The following SDK2 variants were observed in gnomAD, a reference collection of about 807,000 sequenced individuals.
SDK2 encodes the protein protein sidekick-2.
Under a neutral mutation model 253.9 loss-of-function variants are expected in SDK2, and 105 were observed. The ratio of observed to expected loss-of-function variants is 0.41; its 90% CI spans 0.35 to 0.49. The LOEUF is 0.49. Ranked by LOEUF, SDK2 falls within the 20% of genes least tolerant of loss-of-function variation. SDK2 has a pLI of 0.06. For synonymous variants in SDK2, 1,249 were observed against 1,234.9 expected (o/e 1.01, Z -0.24); for missense variants, 2,608 against 3,003.0 (o/e 0.87, Z 3.07).
At chr17:73,367,369 C>T (rs762903885) in intron 37 of SDK2, among the ~76,000 whole-genome samples, 1 of 152,176 alleles carries the variant, frequency 6.6e-6, no homozygotes, top group Non-Finnish European at 1.5e-5. Context: ...CCCCATTTTC[C>T]TGCAAGCCAC....
chr17:73,357,471 C>A (rs902326185), intron 40 of SDK2: 1 of 181,518 alleles, frequency 5.5e-6, no homozygotes, highest in Non-Finnish European at 1.1e-5. Context: ...AACTTGGAAA[C>A]CTAGCAACGC....
At chr17:73,627,168 G>A (rs138226441) in intron 1 of SDK2, among the ~76,000 whole-genome samples, 17 of 152,264 alleles carry the variant, frequency 1.1e-4, no homozygotes, top group Non-Finnish European at 1.9e-4. Flanking sequence ...CATGTGAGGC[G>A]CTTAGAACAC....
chr17:73,582,489 A>G (rs1202218102), intron 1 of SDK2, among the ~76,000 whole-genome samples: 2 of 152,220 alleles, frequency 1.3e-5, no homozygotes, highest in Non-Finnish European at 2.9e-5. Flanking sequence ...TGTGGCTGTG[A>G]CAATTATCAA....
intron 16 of SDK2, among the ~76,000 whole-genome samples, chr17:73,416,591 A>G (rs2063184274): frequency 6.6e-6 from 1 of 150,524 alleles, no homozygotes; most frequent in South Asian, 2.1e-4. Flanking sequence ...CAGAACTATT[A>G]TTTTATTTTA....
chr17:73,386,404 C>G (rs376876675), intron 31 of SDK2, 41 bp downstream of exon 31: 1 of 1,369,452 alleles, frequency 7.3e-7, no homozygotes, highest in Admixed American at 2.0e-5. Flanking sequence ...AGGAAGCAGC[C>G]AGTGGGCTGA....
intron 1 of SDK2, among the ~76,000 whole-genome samples, chr17:73,620,140 A>T (rs1340459791): frequency 1.3e-5 from 2 of 150,968 alleles, no homozygotes; most frequent in Non-Finnish European, 2.9e-5. Context: ...TTGAGGCTGC[A>T]GTGAACTGTG....
At chr17:73,630,793 T>G (rs2046259178) in intron 1 of SDK2, among the ~76,000 whole-genome samples, 2 of 152,070 alleles carry the variant, frequency 1.3e-5, no homozygotes, top group Admixed American at 1.3e-4. Context: ...GAGGCTGAGC[T>G]GTCAAAAGCA....
intron 1 of SDK2, among the ~76,000 whole-genome samples, chr17:73,558,907 C>T (rs73996384): frequency 0.14 from 20,951 of 152,144 alleles, 1,642 homozygotes; most frequent in African/African-American, 0.2. Context: ...ACTGCAGTAG[C>T]GGCCTGGAGA....
chr17:73,374,617 G>A lies in SDK2; in HGVS notation c.4980+4560C>T, dbSNP rs1214762118. ...CCAGTAGCTGGAATTACAAGCATGC[G>A]CTACCATACCCAGCTAATTTTTGTA... On this transcript the variant is annotated intron_variant, in intron 36 of 44. Transcript: ENST00000392650. Among the ~76,000 whole-genome samples, 19 of 143,950 alleles carry A rather than the reference G, an allele frequency of 1.3e-4. 4 individuals carry two copies. Among genetic ancestry groups the A allele is most frequent in the African/African-American group, 3.9e-4 (14 of 35,870 alleles). The allele number at this position is 143,950 out of a possible 152,430, so 94.4% of individuals were successfully genotyped here.
chr17:73,398,452 G>C (rs757451306), intron 22 of SDK2, 23 bp from the exon 23 acceptor site: 7 of 1,593,446 alleles, frequency 4.4e-6, no homozygotes, highest in Non-Finnish European at 6.0e-6. Flanking sequence ...AGGATCTTAG[G>C]CCTGTCCAGC....
Position 73,447,831 on chromosome 17 carries a change from G to A in SDK2, c.480-83C>T. ...GAGTGGGAGTGGAAACCCTAAGGGGGAAGCCCGACCATATCTCCCAGTCCC... is the reference window on the plus strand; with the variant it reads ...GAGTGGGAGTGGAAACCCTAAGGGGAAAGCCCGACCATATCTCCCAGTCCC... On this transcript the variant is annotated intron_variant, in intron 4 of 44. Transcript: ENST00000392650. This position sits in a 1 kb window ranked among gnomAD's most constrained non-coding sequence, Gnocchi z 4.0. The A allele has an allele frequency of 6.7e-7, 1 of 1,501,518 alleles. No individual in the cohort carries two copies. The highest frequency in any genetic ancestry group is 1.4e-5 in the African/African-American group (1 of 72,000). The allele number at this position is 1,501,518 out of a possible 1,614,324, so 93.0% of individuals were successfully genotyped here.
chr17:73,401,148 T>G lies in SDK2; in HGVS notation c.2843A>C (p.Asn948Thr). 3.2e-6 allele frequency: 5 copies of G among 1,560,574 alleles called. No individual in the cohort carries two copies. Among genetic ancestry groups the G allele is most frequent in the Non-Finnish European group, 4.3e-6 (5 of 1,152,154 alleles). The change falls in exon 21 of 45, where the codon AAC (asparagine) becomes ACC (threonine). Residue 948 changes from asparagine (N) to threonine (T), a missense_variant. Asn to Thr is a moderately conservative substitution (Grantham distance 65). This residue lies in a region of SDK2 where 1,505 missense variants were observed against 1,859.1 expected (regional missense o/e 0.81). Coordinates refer to ENST00000392650, the MANE Select transcript of SDK2 (RefSeq NM_001144952.2). ...TNTRVTHYLP[N>T]VTLEYRVTGL... ...CGTGACACGGTACTCCAGGGTCACG[T>G]TGGGCAGGTAGTGGGTCACACGGGT...
chr17:73,603,650 C>G (rs2045870628), intron 1 of SDK2, among the ~76,000 whole-genome samples: 1 of 152,228 alleles, frequency 6.6e-6, no homozygotes, highest in Non-Finnish European at 1.5e-5. Flanking sequence ...AGGAACTTTT[C>G]AGTGATCCAG....
At chr17:73,583,214 C>T (rs753402110) in intron 1 of SDK2, among the ~76,000 whole-genome samples, 9 of 152,248 alleles carry the variant, frequency 5.9e-5, no homozygotes, top group Non-Finnish European at 1.2e-4. Flanking sequence ...CTGTCTCTCC[C>T]TGTAGTCTGC....
Position 73,386,819 on chromosome 17 carries a change from A to G in SDK2, c.4395-271T>C, listed in dbSNP as rs75880465. ...TTTAGCCCCAGTTGTAAGCCATAGCATCCCGAGAAGGAAATGTCTGCAGCT... is the reference window on the plus strand; with the variant it reads ...TTTAGCCCCAGTTGTAAGCCATAGCGTCCCGAGAAGGAAATGTCTGCAGCT... On this transcript the variant is annotated intron_variant, in intron 30 of 44. Transcript: ENST00000392650. Among the ~76,000 whole-genome samples, 1,398 of 152,354 alleles carry G rather than the reference A, an allele frequency of 9.2e-3. 37 individuals are homozygous for G. Among genetic ancestry groups the G allele is most frequent in the East Asian group, 0.087 (452 of 5,182 alleles).
At position 73,632,713 on chromosome 17, in the gene SDK2, T is replaced by C. The variant is rs78615860; in HGVS notation, c.64+11312A>G. On this transcript the variant is annotated intron_variant, in intron 1 of 44. Transcript: ENST00000392650. ...TAATACAGGTAGAGTGACTCAACTATGTTTGAGGTCCAACTGCTTTAGAAA... is the reference window on the plus strand; with the variant it reads ...TAATACAGGTAGAGTGACTCAACTACGTTTGAGGTCCAACTGCTTTAGAAA... 1.3e-3 allele frequency among the ~76,000 whole-genome samples: 194 copies of C among 152,352 alleles called. 1 individual carries two copies. The highest frequency in any genetic ancestry group is 3.7e-3 in the African/African-American group (155 of 41,598).
At chr17:73,523,249 T>C (rs930226107) in intron 1 of SDK2, among the ~76,000 whole-genome samples, 2 of 151,880 alleles carry the variant, frequency 1.3e-5, no homozygotes, top group African/African-American at 4.8e-5. Flanking sequence ...GGATGTCTGG[T>C]TATGCCAGGA....
At chr17:73,640,415 A>C (rs2046384404) in intron 1 of SDK2, among the ~76,000 whole-genome samples, 2 of 151,904 alleles carry the variant, frequency 1.3e-5, no homozygotes, top group East Asian at 1.9e-4. Flanking sequence ...TCATCTAACC[A>C]CTGCCAGAAT....
chr17:73,355,960 C>A (rs1041846991), intron 40 of SDK2, among the ~76,000 whole-genome samples: 6 of 152,200 alleles, frequency 3.9e-5, no homozygotes, highest in Non-Finnish European at 5.9e-5. Context: ...ACGGTGACAA[C>A]AGCTGGCACT....
Sources: allele counts gnomAD v4.1 joint callset (sites outside exome capture counted in the v4.1 genomes callset), GRCh38; gene constraint gnomAD v4.1.1; regional missense constraint gnomAD v4.1.1; non-coding constraint Gnocchi (gnomAD v3.1); transcripts MANE v1.5; gene names NCBI Gene and HGNC (gene_info 2026-07-23, HGNC 2026-07-21).